Variants in SMCO4 observed in about 807,000 individuals in gnomAD.
SMCO4 encodes the protein single-pass membrane protein with coiled-coil domains 4, also known as single-pass membrane and coiled-coil domain-containing protein 4.
In SMCO4, 4 loss-of-function variants were observed where a neutral mutation model predicts 3.6. The ratio of observed to expected loss-of-function variants is 1.11; its 90% CI spans 0.54 to 2.53. SMCO4 has a LOEUF of 2.53. SMCO4 is among the 30% of genes most tolerant of loss of function. The probability of loss-of-function intolerance (pLI) is 0.02; values close to 1 mark genes in which losing one functional copy is unlikely to be tolerated. For missense variants in SMCO4, 70 were observed against 80.8 expected, an observed-to-expected ratio of 0.87 and a Z score of 0.51; for synonymous variants, 36 against 35.3, an observed-to-expected ratio of 1.02 and a Z score of -0.07.
intron 1 of SMCO4, among the ~76,000 whole-genome samples, chr11:93,542,976 G>A (rs1180786301): frequency 3.3e-5 from 5 of 151,410 alleles, no homozygotes; most frequent in Admixed American, 2.0e-4. Flanking sequence ...CGGGCTCGCG[G>A]TCCGCCCCAA....
chr11:93,521,855 A>G (rs986469616), intron 1 of SMCO4, among the ~76,000 whole-genome samples: 2 of 152,186 alleles, frequency 1.3e-5, no homozygotes, highest in Non-Finnish European at 2.9e-5. Flanking sequence ...GCCAATACCA[A>G]TCGAAGCTAT....
chr11:93,545,092 G>A (rs1017439116), upstream of SMCO4, among the ~76,000 whole-genome samples: 10 of 152,178 alleles, frequency 6.6e-5, no homozygotes, highest in Non-Finnish European at 1.3e-4. Context: ...TGGTACTGCC[G>A]TGTGAATTGC....
At chr11:93,493,458 C>T (rs966796663) in intron 2 of SMCO4, among the ~76,000 whole-genome samples, 9 of 152,096 alleles carry the variant, frequency 5.9e-5, no homozygotes, top group African/African-American at 2.2e-4. Flanking sequence ...CACACGCCAC[C>T]CCCAAATAAA....
intron 1 of SMCO4, chr11:93,535,461 T>C: frequency 7.3e-7 from 1 of 1,372,388 alleles, no homozygotes; most frequent in Non-Finnish European, 1.0e-6. Context: ...CGAGCCAGAG[T>C]CGCCGCGATG....
At chr11:93,534,295 CATAT>C (rs201601293) in intron 1 of SMCO4, among the ~76,000 whole-genome samples, 1 of 145,784 alleles carries the variant, frequency 6.9e-6, no homozygotes, top group Non-Finnish European at 1.5e-5. Flanking sequence ...TACACACACA[CATAT>C]ATATACATAT....
chr11:93,550,535 C>T, the SMCO4 span, among the ~76,000 whole-genome samples: 3 of 152,126 alleles, frequency 2.0e-5, no homozygotes, highest in South Asian at 2.1e-4. Flanking sequence ...AATAGCCAGG[C>T]GTGGTGGCAC....
the SMCO4 span, among the ~76,000 whole-genome samples, chr11:93,550,930 T>G: frequency 6.6e-6 from 1 of 152,200 alleles, no homozygotes; most frequent in South Asian, 2.1e-4. Flanking sequence ...TGGCACATTT[T>G]TTAACATCAA....
intron 2 of SMCO4, among the ~76,000 whole-genome samples, chr11:93,486,453 G>GT (rs1810014678): frequency 6.6e-6 from 1 of 152,212 alleles, no homozygotes; most frequent in Admixed American, 6.5e-5. Flanking sequence ...AGCCTTCTTG[G>GT]TATGTCTCAT....
At chr11:93,541,563 C>A (rs905394645) in intron 1 of SMCO4, among the ~76,000 whole-genome samples, 2 of 152,160 alleles carry the variant, frequency 1.3e-5, no homozygotes, top group Non-Finnish European at 2.9e-5. Flanking sequence ...CAAGCTTGAG[C>A]GTCCACTCCA....
At chr11:93,483,175 C>T (rs1948611632) in intron 2 of SMCO4, among the ~76,000 whole-genome samples, 1 of 152,056 alleles carries the variant, frequency 6.6e-6, no homozygotes, top group Non-Finnish European at 1.5e-5. Context: ...GAGAAGGTTT[C>T]AGCTTAAAGT....
chr11:93,530,063 A>C (rs1949147785), intron 1 of SMCO4, among the ~76,000 whole-genome samples: 2 of 152,206 alleles, frequency 1.3e-5, no homozygotes, highest in South Asian at 4.1e-4. Context: ...AACTCTTTTC[A>C]CAGCATAGTG....
intron 1 of SMCO4, among the ~76,000 whole-genome samples, chr11:93,530,994 A>G (rs1292606332): frequency 6.6e-6 from 1 of 152,220 alleles, no homozygotes; most frequent in Non-Finnish European, 1.5e-5. Flanking sequence ...CAGATATAAT[A>G]TTTTAAGATG....
intron 1 of SMCO4, among the ~76,000 whole-genome samples, chr11:93,538,451 C>T (rs954413617): frequency 6.6e-6 from 1 of 152,210 alleles, no homozygotes; most frequent in Non-Finnish European, 1.5e-5. Flanking sequence ...CCCTTCCACA[C>T]TTCTAACCTT....
intron 1 of SMCO4, among the ~76,000 whole-genome samples, chr11:93,506,093 A>G (rs11603107): frequency 0.12 from 18,786 of 151,894 alleles, 1,422 homozygotes; most frequent in Non-Finnish European, 0.17. Context: ...ATGTGTAGAT[A>G]TATAAATATG....
chr11:93,529,267 C>T (rs899462747), intron 1 of SMCO4, among the ~76,000 whole-genome samples: 1 of 152,216 alleles, frequency 6.6e-6, no homozygotes. Flanking sequence ...ATTTGTAACA[C>T]TCACTTTTCT....
At chr11:93,541,630 T>C (rs1949271863) in intron 1 of SMCO4, among the ~76,000 whole-genome samples, 1 of 152,182 alleles carries the variant, frequency 6.6e-6, no homozygotes, top group African/African-American at 2.4e-5. Context: ...ATACACACTT[T>C]CTAAGCACAA....
chr11:93,479,120 G>C lies in SMCO4; in HGVS notation c.70C>G (p.Gln24Glu). The C allele has an allele frequency of 1.2e-6, 2 of 1,614,064 alleles. No homozygotes were observed. Among genetic ancestry groups the C allele is most frequent in the Non-Finnish European group, 1.7e-6 (2 of 1,180,040 alleles). Residue 24 changes from glutamine (Q) to glutamate (E), a missense_variant, in exon 3 of 3, where the codon CAG becomes GAG. Coordinates refer to ENST00000298966, the MANE Select transcript of SMCO4 (RefSeq NM_020179.3). ...GTAGTGATCTGCTGCCGGGCCTCCT[G>C]CATGGCTTGCTTCCGCTCCTTCTTG... is the stretch of plus-strand genomic sequence containing the variant. ...KDKKERKQAM[Q>E]EARQQITTVV...
intron 1 of SMCO4, among the ~76,000 whole-genome samples, chr11:93,499,725 T>G (rs1175353052): frequency 6.6e-6 from 1 of 152,120 alleles, no homozygotes; most frequent in Non-Finnish European, 1.5e-5. Flanking sequence ...AATCACTGAT[T>G]TAAAAATGAA....
At chr11:93,536,301 T>C (rs992653168) in intron 1 of SMCO4, among the ~76,000 whole-genome samples, 2 of 152,194 alleles carry the variant, frequency 1.3e-5, no homozygotes, top group Non-Finnish European at 1.5e-5. Flanking sequence ...GAATTTAACA[T>C]TTGACATGCC....
Sources: allele counts gnomAD v4.1 joint callset (sites outside exome capture counted in the v4.1 genomes callset), GRCh38; gene constraint gnomAD v4.1.1; transcripts MANE v1.5; gene names NCBI Gene and HGNC (gene_info 2026-07-23, HGNC 2026-07-21).